Variants in RHCE observed in about 807,000 individuals in gnomAD.
The protein encoded by RHCE is Rh blood group CcEe antigens.
RHCE carries 22 observed loss-of-function variants against 43.8 expected under a neutral mutation model. The ratio of observed to expected loss-of-function variants is 0.50; its 90% CI spans 0.36 to 0.72. RHCE has a LOEUF of 0.72. Ranked by LOEUF, RHCE falls within the 30% of genes least tolerant of loss-of-function variation. The pLI is 0.00. For synonymous variants in RHCE, 156 were observed against 210.7 expected (o/e 0.74, Z 2.25); for missense variants, 385 against 525.4 (o/e 0.73, Z 2.61).
chr1:25,429,219 A>G (rs1023904920), intron 1 of RHCE, among the ~76,000 whole-genome samples: 1 of 119,210 alleles, frequency 8.4e-6, no homozygotes, highest in Non-Finnish European at 1.7e-5. Context: ...ACTTCCTGGG[A>G]AGTTTTTTTT....
At chr1:25,427,403 T>A (rs976179486) in intron 2 of RHCE, among the ~76,000 whole-genome samples, 1 of 152,260 alleles carries the variant, frequency 6.6e-6, no homozygotes, top group Non-Finnish European at 1.5e-5. Context: ...TTCACTCATT[T>A]GTAAAATGGC....
chr1:25,412,296 A>G (rs1647105225), intron 1 of RHCE, among the ~76,000 whole-genome samples: 1 of 152,206 alleles, frequency 6.6e-6, no homozygotes, highest in Non-Finnish European at 1.5e-5. Flanking sequence ...CCCTGTCTGT[A>G]ACACATAGGA....
chr1:25,362,320 TA>T lies in RHCE; in HGVS notation c.*206del. ...ATTGATAGCATCATCCTAATGAAAC[TA>T]AACATTTATTTTAAACTTATTAAAT... On this transcript the variant is annotated 3_prime_UTR_variant, in exon 10 of 10. Coordinates refer to ENST00000294413, the MANE Select transcript of RHCE (RefSeq NM_020485.8). 2 of 1,171,086 alleles carry T rather than the reference TA, an allele frequency of 1.7e-6. No individual in the cohort carries two copies. Among genetic ancestry groups the T allele is most frequent in the Non-Finnish European group, 2.4e-6 (2 of 828,566 alleles). The allele number at this position is 1,171,086 out of a possible 1,614,324, so 72.5% of individuals were successfully genotyped here.
At chr1:25,380,872 T>C (rs1380093141) in intron 7 of RHCE, among the ~76,000 whole-genome samples, 1 of 151,870 alleles carries the variant, frequency 6.6e-6, no homozygotes, top group African/African-American at 2.4e-5. Context: ...TCTGGCTTTG[T>C]TCTATGTGTA....
Position 25,414,391 on chromosome 1 carries a change from C to G in RHCE, c.149-5522G>C, listed in dbSNP as rs2982344. On this transcript the variant is annotated intron_variant, in intron 1 of 9. Coordinates refer to ENST00000294413, the MANE Select transcript of RHCE (RefSeq NM_020485.8). Reference sequence around the variant, plus strand: ...CTCCCCCAGGCTCTAGGGTTGACCTCCACCCTGTGCTCCCACTGCTGCCTG... The same window carrying G: ...CTCCCCCAGGCTCTAGGGTTGACCTGCACCCTGTGCTCCCACTGCTGCCTG... Among the ~76,000 whole-genome samples, 141 of 152,236 alleles carry G rather than the reference C, an allele frequency of 9.3e-4. 3 individuals are homozygous for G. In the East Asian group the frequency reaches 0.027, roughly 29 times the overall value.
chr1:25,395,805 A>T (rs1328831740), intron 3 of RHCE, among the ~76,000 whole-genome samples: 7 of 152,232 alleles, frequency 4.6e-5, no homozygotes, highest in Admixed American at 1.3e-4. Flanking sequence ...ATTGAAGGAA[A>T]GATGGAATTA....
chr1:25,376,340 G>A (rs376836505), intron 7 of RHCE, among the ~76,000 whole-genome samples: 2 of 152,194 alleles, frequency 1.3e-5, no homozygotes, highest in East Asian at 1.9e-4. Context: ...CTGCCAGCCC[G>A]TTCACTGCAG....
intron 7 of RHCE, among the ~76,000 whole-genome samples, chr1:25,376,870 C>T (rs1177474061): frequency 5.3e-5 from 8 of 151,770 alleles, no homozygotes; most frequent in East Asian, 2.0e-4. Context: ...GCTGAGATCA[C>T]GCCACTGCAC....
chr1:25,425,317 C>T (rs1352001138), upstream of RHCE, among the ~76,000 whole-genome samples: 2 of 152,170 alleles, frequency 1.3e-5, no homozygotes, highest in Non-Finnish European at 2.9e-5. Context: ...TATGCTATTT[C>T]ATCGGATCTT....
chr1:25,398,047 C>T (rs796532525), intron 3 of RHCE, among the ~76,000 whole-genome samples: 650 of 132,134 alleles, frequency 4.9e-3, no homozygotes, highest in East Asian at 0.026. Flanking sequence ...CTTGTTCAAT[C>T]CTCACAACAG....
intron 7 of RHCE, among the ~76,000 whole-genome samples, chr1:25,376,075 G>A (rs1271230397): frequency 1.3e-5 from 2 of 152,020 alleles, no homozygotes; most frequent in Non-Finnish European, 2.9e-5. Context: ...ACAGACATGA[G>A]CCACCACATC....
chr1:25,376,570 T>G (rs1343101067), intron 7 of RHCE, among the ~76,000 whole-genome samples: 5 of 152,128 alleles, frequency 3.3e-5, no homozygotes, highest in Non-Finnish European at 7.4e-5. Context: ...CCCTACCTCA[T>G]AAGATCATAG....
At position 25,370,927 on chromosome 1, in the gene RHCE, T is replaced by TC. The variant is rs1275800261; in HGVS notation, c.1154-388_1154-387insG. Among the ~76,000 whole-genome samples the TC allele has an allele frequency of 8.7e-5, 13 of 148,666 alleles. 1 individual carries two copies. Among genetic ancestry groups the TC allele is most frequent in the Admixed American group, 1.3e-4 (2 of 14,978 alleles). ...CCACATCCAGCTAATTTTTTTTTTT[T>TC]TTTTTTTTTAGTAGGATGGGGTTTC... On this transcript the variant is annotated intron_variant, in intron 8 of 9. Transcript: ENST00000294413.
Position 25,378,694 on chromosome 1 carries a change from ACT to A in RHCE, c.1074-3268_1074-3267del, listed in dbSNP as rs555369000. Among the ~76,000 whole-genome samples, 204 of 151,060 alleles carry A rather than the reference ACT, an allele frequency of 1.4e-3. 2 individuals carry two copies. The highest frequency in any genetic ancestry group is 4.4e-3 in the African/African-American group (179 of 41,048). Reference sequence around the variant, plus strand: ...GCCCTCACCCAGTTACTCTCCCACCACTCTTTTTCATAAAGGCATAGGCCCAG... The same window carrying A: ...GCCCTCACCCAGTTACTCTCCCACCACTTTTTCATAAAGGCATAGGCCCAG... On this transcript the variant is annotated intron_variant, in intron 7 of 9. Coordinates refer to ENST00000294413, the MANE Select transcript of RHCE (RefSeq NM_020485.8).
intron 9 of RHCE, among the ~76,000 whole-genome samples, chr1:25,367,920 A>G (rs1038123295): frequency 6.7e-6 from 1 of 150,230 alleles, no homozygotes; most frequent in Non-Finnish European, 1.5e-5. Flanking sequence ...GGCTACAGTG[A>G]GTCATGATGG....
intron 2 of RHCE, among the ~76,000 whole-genome samples, chr1:25,403,516 G>T (rs890917271): frequency 7.3e-5 from 11 of 151,698 alleles, no homozygotes; most frequent in Non-Finnish European, 1.2e-4. Context: ...AAATTATTTT[G>T]GTCTTGAAGG....
intron 8 of RHCE, among the ~76,000 whole-genome samples, chr1:25,372,335 C>CA (rs989465122): frequency 6.6e-6 from 1 of 151,522 alleles, no homozygotes; most frequent in African/African-American, 2.4e-5. Flanking sequence ...GCATGACCAA[C>CA]ATGGAGAAAC....
intron 1 of RHCE, among the ~76,000 whole-genome samples, chr1:25,409,465 T>C (rs1388191243): frequency 1.6e-5 from 2 of 124,492 alleles, no homozygotes; most frequent in African/African-American, 2.5e-5. Flanking sequence ...GCCACCTGGG[T>C]AGCCCTCACC....
chr1:25,402,689 C>G lies in RHCE; in HGVS notation c.393G>C (p.Leu131Phe). Residue 131 changes from leucine to phenylalanine, a missense_variant, in exon 3 of 10, where the codon TTG (leucine) becomes TTC (phenylalanine). Leu to Phe is a conservative substitution (Grantham distance 22). Around this residue, in one of 6 missense-constraint regions of RHCE, gnomAD observed 110 missense variants for 192.1 expected, o/e 0.57. Coordinates refer to ENST00000294413, the MANE Select transcript of RHCE (RefSeq NM_020485.8). ...CCAACTGCGCCAAGTTGACCTTCCC[C>G]AAGACAGCACCCGCTGAGATCAGCA... Reference protein sequence around the residue: ...MSVLISAGAVLGKVNLAQLVV... With the variant: ...MSVLISAGAVFGKVNLAQLVV... 1 of 1,614,126 alleles carries G rather than the reference C, an allele frequency of 6.2e-7. No individual in the cohort carries two copies. The highest frequency in any genetic ancestry group is 8.5e-7 in the Non-Finnish European group (1 of 1,180,020).
Sources: gnomAD v4.1 joint callset for allele counts (sites outside exome capture counted in the v4.1 genomes callset) on GRCh38, gnomAD v4.1.1 for gene constraint, gnomAD v4.1.1 regional missense constraint, MANE v1.5 for transcripts, NCBI Gene and HGNC (gene_info 2026-07-23, HGNC 2026-07-21) for gene names.